The following PPP1R12B variants were observed in gnomAD, a reference collection of about 807,000 sequenced individuals.
The protein encoded by PPP1R12B is myosin phosphatase target subunit 2.
Under a neutral mutation model 126.1 loss-of-function variants are expected in PPP1R12B, and 76 were observed. The observed-to-expected ratio is 0.60, with a 90% confidence interval of 0.50 to 0.73. The LOEUF is 0.73. Among genes scored for constraint, PPP1R12B ranks in the 30% least tolerant of loss-of-function variants. PPP1R12B has a pLI of 0.00. For synonymous variants in PPP1R12B, 356 were observed against 434.7 expected, an observed-to-expected ratio of 0.82 and a Z score of 2.25; for missense variants, 1,052 against 1,205.1, an observed-to-expected ratio of 0.87 and a Z score of 1.88.
rs1681029438 is a variant in PPP1R12B, at chr1:202,508,133, T to TCC, written c.2490+11313_2490+11314dup. Among the ~76,000 whole-genome samples, 1 of 152,154 alleles carries TCC rather than the reference T, an allele frequency of 6.6e-6. No individual in the cohort carries two copies. The highest frequency in any genetic ancestry group is 2.4e-5 in the African/African-American group (1 of 41,448). The stretch of plus-strand genomic sequence containing the variant: ...AATGTAAAGATGAATGGCCACCACC[T>TCC]CCCAATTTTAACTTTTCTCCATACT... On this transcript the variant is annotated intron_variant, in intron 18 of 23. Transcript: ENST00000608999. This position sits in a 1 kb window ranked among gnomAD's most constrained non-coding sequence, Gnocchi z 4.5.
chr1:202,543,602 A>G (rs192401385), intron 18 of PPP1R12B, among the ~76,000 whole-genome samples: 3 of 152,148 alleles, frequency 2.0e-5, no homozygotes, highest in Non-Finnish European at 1.5e-5. Flanking sequence ...TTAGCTCGGC[A>G]TGGTGGCGGG....
At chr1:202,422,254 C>T (rs1436108970) in intron 2 of PPP1R12B, among the ~76,000 whole-genome samples, 1 of 152,192 alleles carries the variant, frequency 6.6e-6, no homozygotes, top group African/African-American at 2.4e-5. Context: ...CTTTATTCTT[C>T]TATTTTCACA....
chr1:202,434,792 G>C lies in PPP1R12B; in HGVS notation c.1254+24G>C, dbSNP rs200812115. On this transcript the variant is annotated intron_variant, in intron 9 of 23. Transcript: ENST00000608999. Reference sequence around the variant, plus strand: ...GGGTGAGTACTTTTTACTTAATTTGGGAATTAGATTTCACCCTACTGCAGT... The same window carrying C: ...GGGTGAGTACTTTTTACTTAATTTGCGAATTAGATTTCACCCTACTGCAGT... 3.7e-6 allele frequency: 6 copies of C among 1,611,182 alleles called. No individual in the cohort carries two copies. In the Admixed American group the frequency reaches 1.0e-4, roughly 27 times the overall value.
Position 202,541,616 on chromosome 1 carries a change from A to T in PPP1R12B, c.2491-17261A>T, listed in dbSNP as rs556713161. ...CTTTGCTCCCTTCCCTCTTATACTG[A>T]GTAGTACCTTTAGTTGTAAAGATCC... On this transcript the variant is annotated intron_variant, in intron 18 of 23. Transcript: ENST00000608999. Among the ~76,000 whole-genome samples, 13 of 152,282 alleles carry T rather than the reference A, an allele frequency of 8.5e-5. No individual in the cohort carries two copies. The South Asian group carries it at 2.7e-3, about 32-fold the overall frequency.
In PPP1R12B at chr1:202,416,872, C is replaced by CA. The variant is rs1558197650; in HGVS notation, c.378dup (p.Pro127ThrfsTer19). The stretch of plus-strand genomic sequence containing the variant: ...AACCAGCAAGACAACGAGGGCTGGA[C>CA]ACCCCTTCATGCAGCAGCTTCCTGT... On this transcript the variant is annotated frameshift_variant, in exon 2 of 24. Transcript: ENST00000608999. LOFTEE classifies it high-confidence loss of function. 6.2e-7 allele frequency: 1 copy of CA among 1,613,944 alleles called. No homozygotes were observed. The highest frequency in any genetic ancestry group is 2.2e-5 in the East Asian group (1 of 44,900).
At chr1:202,372,212 AG>A (rs1660402939) in intron 1 of PPP1R12B, among the ~76,000 whole-genome samples, 1 of 152,092 alleles carries the variant, frequency 6.6e-6, no homozygotes, top group Non-Finnish European at 1.5e-5. Context: ...ATATTATAAA[AG>A]TAATTTTTGG....
Position 202,419,571 on chromosome 1 carries a change from GTCT to G in PPP1R12B, c.422+2659_422+2661del, listed in dbSNP as rs947279234. ...GAGCCAAATTACTTTCTAAAAATTC[GTCT>G]TCTTGATTGTAGAACATGGGAAAAG... On this transcript the variant is annotated intron_variant, in intron 2 of 23. Coordinates refer to ENST00000608999, the MANE Select transcript of PPP1R12B (RefSeq NM_002481.4). This position sits in a 1 kb window ranked among gnomAD's most constrained non-coding sequence, Gnocchi z 4.6. Among the ~76,000 whole-genome samples, 8 of 151,942 alleles carry G rather than the reference GTCT, an allele frequency of 5.3e-5. No individual in the cohort carries two copies. Among genetic ancestry groups the G allele is most frequent in the African/African-American group, 1.9e-4 (8 of 41,340 alleles).
At chr1:202,470,588 G>C (rs539559690) in intron 13 of PPP1R12B, among the ~76,000 whole-genome samples, 109 of 152,102 alleles carry the variant, frequency 7.2e-4, no homozygotes, top group African/African-American at 2.5e-3. Context: ...TGCTATATAT[G>C]GTTTTTTCTT....
In PPP1R12B at chr1:202,449,138, C is replaced by T; in HGVS notation, c.1817C>T (p.Thr606Ile). 1 of 1,612,430 alleles carries T rather than the reference C, an allele frequency of 6.2e-7. No individual in the cohort carries two copies. Among genetic ancestry groups the T allele is most frequent in the Non-Finnish European group, 8.5e-7 (1 of 1,179,050 alleles). ...TATPVLSITG[T>I]DSSVEAREKR... is the part of the protein sequence containing the mutation. ...ACTCCTGTGCTCTCCATTACTGGAA[C>T]AGATTCCTCTGTGGAAGCCAGGGAG... Residue 606 changes from threonine (T) to isoleucine (I), a missense_variant, in exon 13 of 24, where the codon ACA becomes ATA. Physicochemically the swap from Thr to Ile is moderately conservative, Grantham distance 89. Coordinates refer to ENST00000608999, the MANE Select transcript of PPP1R12B (RefSeq NM_002481.4).
intron 18 of PPP1R12B, among the ~76,000 whole-genome samples, chr1:202,550,303 A>G (rs1035630235): frequency 6.6e-6 from 1 of 152,188 alleles, no homozygotes; most frequent in Non-Finnish European, 1.5e-5. Context: ...CTGGACTGTG[A>G]CATTTACCAT....
rs765315212 is a variant in PPP1R12B, at chr1:202,562,810, G to C, written c.2540G>C (p.Ser847Thr). The C allele has an allele frequency of 1.9e-6, 3 of 1,613,088 alleles. No homozygotes were observed. In the Admixed American group the frequency reaches 5.0e-5, roughly 27 times the overall value. The change falls in exon 20 of 24, where the codon AGT becomes ACT. Residue 847 changes from serine to threonine, a missense_variant. Ser to Thr is a moderately conservative substitution (Grantham distance 58, BLOSUM62 1). Coordinates refer to ENST00000608999, the MANE Select transcript of PPP1R12B (RefSeq NM_002481.4). ...TCGGGAGGTAGTAATCCTACAACCA[G>C]TGATTCTTACGGTGACCGGGCTTCA... Reference protein sequence around the residue: ...LESGGSNPTTSDSYGDRASAR... With the variant: ...LESGGSNPTTTDSYGDRASAR...
intron 1 of PPP1R12B, among the ~76,000 whole-genome samples, chr1:202,393,718 A>G (rs1452389714): frequency 6.6e-6 from 1 of 152,180 alleles, no homozygotes; most frequent in Non-Finnish European, 1.5e-5. Context: ...AAATGGGGGA[A>G]TGGTTAGATA....
intron 18 of PPP1R12B, among the ~76,000 whole-genome samples, chr1:202,546,789 A>T (rs1685690527): frequency 6.6e-6 from 1 of 152,162 alleles, no homozygotes; most frequent in Admixed American, 6.5e-5. Flanking sequence ...AAAAATACTG[A>T]TATTTATGAT....
At chr1:202,442,627 G>A in intron 12 of PPP1R12B, 55 bp downstream of exon 12, 2 of 1,516,412 alleles carry the variant, frequency 1.3e-6, no homozygotes, top group Non-Finnish European at 1.8e-6. Flanking sequence ...CATGGGAAAT[G>A]GGTAATGATT....
intron 13 of PPP1R12B, among the ~76,000 whole-genome samples, chr1:202,455,056 GA>G (rs1406460936): frequency 6.6e-6 from 1 of 152,126 alleles, no homozygotes; most frequent in Non-Finnish European, 1.5e-5. Flanking sequence ...GCAAACAAAA[GA>G]TCTGGCAATT....
At chr1:202,409,784 C>T (rs1373920267) in intron 1 of PPP1R12B, among the ~76,000 whole-genome samples, 2 of 152,178 alleles carry the variant, frequency 1.3e-5, no homozygotes, top group East Asian at 3.8e-4. Flanking sequence ...CCTCCTCAGC[C>T]TCCCAAATAA....
At chr1:202,437,492 A>G (rs973788173) in intron 9 of PPP1R12B, among the ~76,000 whole-genome samples, 1 of 152,210 alleles carries the variant, frequency 6.6e-6, no homozygotes, top group Non-Finnish European at 1.5e-5. Flanking sequence ...AGTTAGAAGA[A>G]GGTATATTAC....
intron 20 of PPP1R12B, 96 bp from the exon 21 acceptor site, chr1:202,564,346 GT>G: frequency 1.2e-6 from 1 of 814,132 alleles, no homozygotes; most frequent in African/African-American, 1.7e-5. Context: ...CTACCATATA[GT>G]GGTGGCTTGG....
chr1:202,555,605 G>A (rs1686844990), intron 18 of PPP1R12B, among the ~76,000 whole-genome samples: 1 of 152,014 alleles, frequency 6.6e-6, no homozygotes, highest in Non-Finnish European at 1.5e-5. Context: ...AATAGGAGGA[G>A]GAAAAGGCCC....
Sources: gnomAD v4.1 joint callset for allele counts (sites outside exome capture counted in the v4.1 genomes callset) on GRCh38, gnomAD v4.1.1 for gene constraint, Gnocchi (gnomAD v3.1) non-coding constraint, MANE v1.5 for transcripts, NCBI Gene and HGNC (gene_info 2026-07-23, HGNC 2026-07-21) for gene names.